CFAP44: variants seen among roughly 807,000 people sequenced by gnomAD.
The protein encoded by CFAP44 is cilia- and flagella-associated protein 44.
In CFAP44, 134 loss-of-function variants were observed where a neutral mutation model predicts 216.2. That is an observed-to-expected ratio of 0.62 (90% CI 0.54 to 0.72). The LOEUF (loss-of-function observed/expected upper bound fraction) is 0.72. Among genes scored for constraint, CFAP44 ranks in the 30% least tolerant of loss-of-function variants. The pLI, the probability that CFAP44 is intolerant of heterozygous loss-of-function variation, is 0.00. For missense variants in CFAP44, 2,035 were observed against 2,182.1 expected, an observed-to-expected ratio of 0.93 and a Z score of 1.34; for synonymous variants, 700 against 727.6, an observed-to-expected ratio of 0.96 and a Z score of 0.61.
chr3:113,441,263 T>C (rs946146293), intron 1 of CFAP44, among the ~76,000 whole-genome samples, 190 bp downstream of exon 1: 1 of 152,212 alleles, frequency 6.6e-6, no homozygotes, highest in Non-Finnish European at 1.5e-5. Flanking sequence ...GCAGGAACCG[T>C]GCACACAGTG....
chr3:113,303,102 A>T (rs1949953970), intron 32 of CFAP44, among the ~76,000 whole-genome samples: 1 of 152,214 alleles, frequency 6.6e-6, no homozygotes, highest in Non-Finnish European at 1.5e-5. Context: ...TGATGACAAT[A>T]TGGAGCCTGG....
chr3:113,347,629 A>G (rs568472630), intron 22 of CFAP44, among the ~76,000 whole-genome samples: 20 of 152,252 alleles, frequency 1.3e-4, no homozygotes, highest in African/African-American at 4.8e-4. Context: ...GGGTGGGGAG[A>G]CCAACTATCC....
chr3:113,343,567 T>C (rs1004242193), intron 23 of CFAP44, among the ~76,000 whole-genome samples: 7 of 152,176 alleles, frequency 4.6e-5, no homozygotes, highest in Admixed American at 3.9e-4. Context: ...AACAAAAGTG[T>C]AATTTAAGCT....
rs748434148 is a variant in CFAP44 at position 113,330,176 on chromosome 3, C to T, written c.4108G>A (p.Val1370Ile). Residue 1370 changes from valine (V) to isoleucine (I), a missense_variant, in exon 26 of 35, where the codon GTC (valine) becomes ATC (isoleucine). Transcript: ENST00000393845. ...ACAGGTTCACCCCTTACCCTGTTGA[C>T]CAAATACTGTTGCATGTACACGTGT... ...IKHVYMQQYL[V>I]NRIKELVVTF... is the part of the protein sequence containing the mutation. 1.0e-4 allele frequency: 153 copies of T among 1,532,490 alleles called. No homozygotes were observed. In the Middle Eastern group the frequency reaches 4.2e-3, roughly 42 times the overall value. The allele number at this position is 1,532,490 out of a possible 1,614,324, so 94.9% of individuals were successfully genotyped here. A position where few individuals can be genotyped will look rare whatever the true frequency, so the allele number is the denominator to read the frequency against.
At chr3:113,330,021 GCCAAGCCATCA>G (rs1950227059) in intron 26 of CFAP44, 136 bp downstream of exon 26, 1 of 934,218 alleles carries the variant, frequency 1.1e-6, no homozygotes, top group Non-Finnish European at 1.5e-6. Context: ...TGGGGAGGAA[GCCAAGCCATCA>G]CTGAGTGGTA....
At chr3:113,367,620 T>TG (rs1269086170) in intron 18 of CFAP44, among the ~76,000 whole-genome samples, 1 of 152,114 alleles carries the variant, frequency 6.6e-6, no homozygotes, top group East Asian at 1.9e-4. Flanking sequence ...ACCACAAAGA[T>TG]GGGGAGAAAC....
At position 113,352,180 on chromosome 3, in the gene CFAP44, G is replaced by T. The variant is rs143018643; in HGVS notation, c.3065+6565C>A. 1.6e-3 allele frequency among the ~76,000 whole-genome samples: 243 copies of T among 152,250 alleles called. 1 individual carries two copies. Among genetic ancestry groups the T allele is most frequent in the African/African-American group, 5.4e-3 (226 of 41,558 alleles). The stretch of plus-strand genomic sequence containing the variant: ...ATCAGCGCTCTGTGTCTAGCTAAAA[G>T]ATTGTAAATGCACAATCAGCACTCT... On this transcript the variant is annotated intron_variant, in intron 22 of 34. Coordinates refer to ENST00000393845, the MANE Select transcript of CFAP44 (RefSeq NM_001164496.2).
chr3:113,320,856 C>A (rs1559910559), intron 28 of CFAP44, among the ~76,000 whole-genome samples: 1 of 152,042 alleles, frequency 6.6e-6, no homozygotes, highest in African/African-American at 2.4e-5. Context: ...GAGGTGCCCA[C>A]CCAGATTAAG....
intron 15 of CFAP44, among the ~76,000 whole-genome samples, chr3:113,394,127 G>T (rs893259522): frequency 2.0e-5 from 3 of 152,086 alleles, no homozygotes; most frequent in African/African-American, 7.2e-5. Flanking sequence ...TCTACCACTG[G>T]TTACATGTTA....
At chr3:113,401,473 A>T (rs1934139957) in intron 10 of CFAP44, 111 bp downstream of exon 10, 2 of 1,326,112 alleles carry the variant, frequency 1.5e-6, no homozygotes, top group East Asian at 4.9e-5. Flanking sequence ...CACAATAAGC[A>T]ATCTCATAAC....
intron 3 of CFAP44, chr3:113,426,596 C>T (rs1165325795): frequency 1.2e-5 from 3 of 248,800 alleles, no homozygotes; most frequent in Non-Finnish European, 2.3e-5. Flanking sequence ...CCATGCAGAA[C>T]TGTGAGTCAA....
chr3:113,392,033 A>G (rs1933855608), intron 15 of CFAP44, among the ~76,000 whole-genome samples: 1 of 152,152 alleles, frequency 6.6e-6, no homozygotes, highest in South Asian at 2.1e-4. Context: ...CAGCAATCCC[A>G]CTGCTAGGTA....
intron 3 of CFAP44, chr3:113,426,612 CCT>C (rs1459240746): frequency 8.8e-6 from 2 of 228,478 alleles, no homozygotes; most frequent in Non-Finnish European, 1.7e-5. Flanking sequence ...GTCAAGTAAA[CCT>C]CTTTCCTTTA....
chr3:113,330,954 C>T (rs912614898), intron 25 of CFAP44, among the ~76,000 whole-genome samples: 4 of 152,060 alleles, frequency 2.6e-5, no homozygotes, highest in African/African-American at 9.7e-5. Flanking sequence ...TTCCCCTGTC[C>T]TCCTTTATCA....
chr3:113,322,957 T>A (rs947492210), intron 28 of CFAP44, among the ~76,000 whole-genome samples: 3 of 152,168 alleles, frequency 2.0e-5, no homozygotes, highest in Non-Finnish European at 4.4e-5. Context: ...CTCCTCCACA[T>A]GGCAGCAGGA....
At chr3:113,361,726 C>T (rs1950543378) in intron 21 of CFAP44, among the ~76,000 whole-genome samples, 1 of 151,904 alleles carries the variant, frequency 6.6e-6, no homozygotes, top group Non-Finnish European at 1.5e-5. Flanking sequence ...TCTCGAACTC[C>T]TGACCTCATG....
Position 113,373,479 on chromosome 3 carries a change from T to C in CFAP44, c.2376A>G (p.Lys792=). The C allele has an allele frequency of 1.2e-6, 2 of 1,610,048 alleles. No homozygotes were observed. The highest frequency in any genetic ancestry group is 1.7e-6 in the Non-Finnish European group (2 of 1,177,772). ...GATAACGGACATCAATAGGTTCATC[T>C]TTTTGTTCTTTGAAATCACTGCTTT... ...CDESSDFKEQ[K]DEPIDVRYLA... Residue 792 remains lysine, a synonymous_variant, in exon 18 of 35, where the codon AAA becomes AAG. Transcript: ENST00000393845.
At chr3:113,432,479 A>C (rs919263619) in intron 2 of CFAP44, among the ~76,000 whole-genome samples, 10 of 152,156 alleles carry the variant, frequency 6.6e-5, no homozygotes, top group East Asian at 1.9e-4. Context: ...AGCCTTCTCT[A>C]TCTCTCCAGA....
chr3:113,326,083 CA>C (rs149950883), intron 28 of CFAP44, among the ~76,000 whole-genome samples: 4,382 of 152,258 alleles, frequency 0.029, 108 homozygotes, highest in East Asian at 0.1. Flanking sequence ...CCAAACTCAA[CA>C]GTAAAAAAAG....
Sources: gnomAD v4.1 joint callset for allele counts (sites outside exome capture counted in the v4.1 genomes callset) on GRCh38, gnomAD v4.1.1 for gene constraint, MANE v1.5 for transcripts, NCBI Gene and HGNC (gene_info 2026-07-23, HGNC 2026-07-21) for gene names.